Variants in LARGE1 observed in about 807,000 individuals in gnomAD.
LARGE1 encodes the protein LARGE xylosyl- and glucuronyltransferase 1.
A neutral mutation model predicts 87.6 loss-of-function variants in LARGE1; 43 were observed. The observed-to-expected ratio is 0.49, with a 90% CI of 0.38 to 0.63. The LOEUF (loss-of-function observed/expected upper bound fraction) is 0.63. Among genes scored for constraint, LARGE1 ranks in the 30% least tolerant of loss-of-function variants. LARGE1 has a pLI of 0.00. For synonymous variants in LARGE1, 434 were observed against 394.6 expected (o/e 1.10, Z -1.18); for missense variants, 802 against 1,000.2 (o/e 0.80, Z 2.67).
chr22:33,853,948 C>T (rs952133921), intron 1 of LARGE1, among the ~76,000 whole-genome samples: 1 of 152,168 alleles, frequency 6.6e-6, no homozygotes, highest in African/African-American at 2.4e-5. Flanking sequence ...GAAAGTGAAA[C>T]TGCTCTCAGC....
At chr22:33,082,866 A>G in the LARGE1 span, among the ~76,000 whole-genome samples, 1 of 152,018 alleles carries the variant, frequency 6.6e-6, no homozygotes, top group Non-Finnish European at 1.5e-5. Flanking sequence ...TCTACTAAAA[A>G]TACAAAAAAT....
intron 5 of LARGE1, among the ~76,000 whole-genome samples, chr22:33,591,771 G>C (rs2078843927): frequency 6.7e-6 from 1 of 150,228 alleles, no homozygotes; most frequent in South Asian, 2.1e-4. Flanking sequence ...ACTTTGGGAG[G>C]CCGAGGTAGC....
At chr22:33,691,019 G>A (rs952846435) in intron 2 of LARGE1, among the ~76,000 whole-genome samples, 1 of 152,202 alleles carries the variant, frequency 6.6e-6, no homozygotes, top group African/African-American at 2.4e-5. Context: ...CACCAGAGCT[G>A]GCAGGGCACC....
intron 2 of LARGE1, among the ~76,000 whole-genome samples, chr22:33,668,496 G>A (rs1445131244): frequency 6.6e-6 from 1 of 152,120 alleles, no homozygotes; most frequent in Non-Finnish European, 1.5e-5. Flanking sequence ...TTATTATATC[G>A]GTTAAGTCAC....
intron 1 of LARGE1, among the ~76,000 whole-genome samples, chr22:33,860,686 G>C (rs573220796): frequency 1.3e-5 from 2 of 152,292 alleles, no homozygotes; most frequent in African/African-American, 4.8e-5. Context: ...GTGATCAGGA[G>C]AATGCCTGGC....
intron 1 of LARGE1, among the ~76,000 whole-genome samples, chr22:33,779,896 T>C (rs1398421387): frequency 3.3e-5 from 5 of 152,204 alleles, no homozygotes; most frequent in Admixed American, 3.3e-4. Flanking sequence ...GAATGCTCAC[T>C]GGGCTATTGT....
At chr22:33,638,486 A>G (rs532495983) in intron 3 of LARGE1, among the ~76,000 whole-genome samples, 4 of 152,304 alleles carry the variant, frequency 2.6e-5, no homozygotes, top group Admixed American at 1.3e-4. Context: ...TGGTAACCCT[A>G]AAGTCTGCAG....
chr22:33,875,530 G>C (rs1011569142), intron 1 of LARGE1, among the ~76,000 whole-genome samples: 1 of 152,146 alleles, frequency 6.6e-6, no homozygotes, highest in East Asian at 1.9e-4. Context: ...AGCAGAGATG[G>C]CCCTCCCCAG....
chr22:33,321,678 G>A (rs5754523), intron 10 of LARGE1, among the ~76,000 whole-genome samples: 2 of 152,188 alleles, frequency 1.3e-5, no homozygotes, highest in Non-Finnish European at 2.9e-5. Flanking sequence ...AGCGTGGGTA[G>A]GCAAATGTGT....
At chr22:33,818,358 G>A (rs1309072156) in intron 1 of LARGE1, among the ~76,000 whole-genome samples, 2 of 152,174 alleles carry the variant, frequency 1.3e-5, no homozygotes, top group Non-Finnish European at 1.5e-5. Context: ...AACTCACTCA[G>A]GGATGTCTTT....
chr22:33,402,588 A>C (rs2065960869), intron 7 of LARGE1, among the ~76,000 whole-genome samples: 1 of 152,196 alleles, frequency 6.6e-6, no homozygotes, highest in Admixed American at 6.5e-5. Context: ...TCTGTGCTTT[A>C]TGGTACTCTT....
chr22:33,222,934 C>T (rs1925529024), intron 11 of LARGE1, among the ~76,000 whole-genome samples: 1 of 152,072 alleles, frequency 6.6e-6, no homozygotes, highest in Admixed American at 6.5e-5. Context: ...AGTTGCAGGC[C>T]CCCCCAGTCT....
At chr22:33,470,951 G>T (rs2068807570) in intron 6 of LARGE1, among the ~76,000 whole-genome samples, 1 of 152,000 alleles carries the variant, frequency 6.6e-6, no homozygotes. Flanking sequence ...TTGTTGTGAG[G>T]ACCATATATG....
chr22:33,303,703 C>G, intron 12 of LARGE1, among the ~76,000 whole-genome samples: 1 of 152,028 alleles, frequency 6.6e-6, no homozygotes, highest in East Asian at 1.9e-4. Context: ...CTCACTGCAA[C>G]CTCCGACTCC....
intron 2 of LARGE1, among the ~76,000 whole-genome samples, chr22:33,740,729 A>C (rs1170715482): frequency 1.3e-5 from 2 of 152,196 alleles, no homozygotes; most frequent in East Asian, 3.9e-4. Flanking sequence ...AAACCAAACC[A>C]CTATGGAGAC....
intron 4 of LARGE1, among the ~76,000 whole-genome samples, chr22:33,606,255 A>G (rs1480286139): frequency 1.3e-5 from 2 of 151,994 alleles, no homozygotes. Context: ...AACACAAAAA[A>G]TTAGCCTGGT....
chr22:33,210,677 C>A (rs1924915601), intron 11 of LARGE1, among the ~76,000 whole-genome samples: 1 of 152,260 alleles, frequency 6.6e-6, no homozygotes, highest in South Asian at 2.1e-4. Context: ...AAGCTTCCAC[C>A]CCTGTTGCCA....
chr22:33,734,086 A>T (rs772345470), intron 2 of LARGE1, among the ~76,000 whole-genome samples: 5 of 152,148 alleles, frequency 3.3e-5, no homozygotes, highest in Non-Finnish European at 5.9e-5. Context: ...CTTCTAAATG[A>T]CATCCTCCGT....
At chr22:33,672,261 T>C (rs2081438875) in intron 2 of LARGE1, among the ~76,000 whole-genome samples, 1 of 152,180 alleles carries the variant, frequency 6.6e-6, no homozygotes, top group Non-Finnish European at 1.5e-5. Context: ...CCAGAGACTT[T>C]GGCCACTCAC....
Sources: gnomAD v4.1 joint callset for allele counts (sites outside exome capture counted in the v4.1 genomes callset) on GRCh38, gnomAD v4.1.1 for gene constraint, MANE v1.5 for transcripts, NCBI Gene and HGNC (gene_info 2026-07-23, HGNC 2026-07-21) for gene names.